Variants in NTM observed in about 807,000 individuals in gnomAD.
NTM encodes the protein neurotrimin, also known as IgLON family member 2.
Under a neutral mutation model 42.1 loss-of-function variants are expected in NTM, and 13 were observed. The observed-to-expected ratio is 0.31, with a 90% confidence interval of 0.20 to 0.49. NTM has a LOEUF of 0.49. Ranked by LOEUF, NTM falls within the 20% of genes least tolerant of loss-of-function variation. The probability of loss-of-function intolerance (pLI) is 0.99; values close to 1 mark genes in which losing one functional copy is unlikely to be tolerated. For synonymous variants in NTM, 187 were observed against 179.2 expected, an observed-to-expected ratio of 1.04 and a Z score of -0.35; for missense variants, 373 against 452.8, an observed-to-expected ratio of 0.82 and a Z score of 1.60.
chr11:131,807,473 G>A (rs971483700), intron 1 of NTM, among the ~76,000 whole-genome samples: 1 of 152,220 alleles, frequency 6.6e-6, no homozygotes, highest in African/African-American at 2.4e-5. Context: ...AATTAGCAGT[G>A]TGGGCTCTGG....
Position 132,085,669 on chromosome 11 carries a change from A to G in NTM, c.168-60613A>G, listed in dbSNP as rs1053017460. ...TAAGCACTTATTTTTCTTTAGACCA[A>G]TTAATTAGAGCTCTTTTTTATAGAT... On this transcript the variant is annotated intron_variant, in intron 2 of 8. Transcript: ENST00000683400. 4.6e-5 allele frequency among the ~76,000 whole-genome samples: 7 copies of G among 152,170 alleles called. No individual in the cohort carries two copies. The South Asian group carries it at 1.2e-3, about 27-fold the overall frequency.
At chr11:131,703,213 G>A (rs920749930) in intron 1 of NTM, among the ~76,000 whole-genome samples, 1 of 152,132 alleles carries the variant, frequency 6.6e-6, no homozygotes, top group African/African-American at 2.4e-5. Flanking sequence ...CCAAAAGACA[G>A]TATGTAAAAT....
rs560905831 is a variant in NTM, at chr11:132,151,309, G to A, written c.400+4795G>A. 9.2e-5 allele frequency among the ~76,000 whole-genome samples: 14 copies of A among 152,276 alleles called. 1 individual carries two copies. In the Middle Eastern group the frequency reaches 0.014, roughly 148 times the overall value. On this transcript the variant is annotated intron_variant, in intron 3 of 8. Coordinates refer to ENST00000683400, the MANE Select transcript of NTM (RefSeq NM_001352005.2). ...GACAGCTTGAGAAGACGTCTAAAAG[G>A]CCCCGTCTGTGTTTCTAAGAACCCA...
At chr11:132,039,025 C>T (rs1313302288) in intron 2 of NTM, among the ~76,000 whole-genome samples, 1 of 152,192 alleles carries the variant, frequency 6.6e-6, no homozygotes, top group Non-Finnish European at 1.5e-5. Context: ...GTGAGGGCAC[C>T]AGTCGGGTAC....
chr11:131,517,344 A>G (rs756415745), intron 1 of NTM, among the ~76,000 whole-genome samples: 5 of 152,226 alleles, frequency 3.3e-5, no homozygotes, highest in African/African-American at 4.8e-5. Flanking sequence ...ACAGACTCAG[A>G]AACTCCCTTT....
At chr11:131,606,629 A>G (rs2060982950) in intron 1 of NTM, among the ~76,000 whole-genome samples, 1 of 152,216 alleles carries the variant, frequency 6.6e-6, no homozygotes, top group Non-Finnish European at 1.5e-5. Flanking sequence ...GAACTTGGGA[A>G]CTAACTGCAA....
At chr11:131,814,763 C>T (rs2092879891) in intron 1 of NTM, among the ~76,000 whole-genome samples, 1 of 152,204 alleles carries the variant, frequency 6.6e-6, no homozygotes, top group Admixed American at 6.5e-5. Flanking sequence ...GCCTAATCCA[C>T]CACCTCTGCA....
chr11:132,237,806 G>A (rs1482797159), intron 4 of NTM, among the ~76,000 whole-genome samples: 2 of 152,156 alleles, frequency 1.3e-5, no homozygotes, highest in Admixed American at 6.5e-5. Context: ...CATCCTCCCC[G>A]CTCAGCCAGT....
intron 1 of NTM, among the ~76,000 whole-genome samples, chr11:131,530,609 C>T (rs952269393): frequency 2.7e-4 from 41 of 152,272 alleles, no homozygotes; most frequent in African/African-American, 8.9e-4. Context: ...ACTCCAACTA[C>T]ATGCCAAGGC....
At position 131,850,268 on chromosome 11, in the gene NTM, G is replaced by T. The variant is rs558340619; in HGVS notation, c.83-61296G>T. Among the ~76,000 whole-genome samples the T allele has an allele frequency of 4.6e-5, 7 of 152,224 alleles. No individual in the cohort carries two copies. In the East Asian group the frequency reaches 1.4e-3, roughly 29 times the overall value. ...TAACAAACGAGGATATTCACTTAGG[G>T]CATTCATTAGGTTAAATTTGCATAC... On this transcript the variant is annotated intron_variant, in intron 1 of 8. Transcript: ENST00000683400.
chr11:131,559,742 C>A (rs1032291499), intron 1 of NTM, among the ~76,000 whole-genome samples: 5 of 152,218 alleles, frequency 3.3e-5, no homozygotes, highest in Non-Finnish European at 7.3e-5. Flanking sequence ...TTGACTCTAG[C>A]TCCAAAGTGG....
chr11:131,790,560 A>G (rs1257472451), intron 1 of NTM, among the ~76,000 whole-genome samples: 2 of 152,180 alleles, frequency 1.3e-5, no homozygotes, highest in South Asian at 2.1e-4. Context: ...AGCCCCTTCT[A>G]GGCTTCCTGG....
intron 1 of NTM, among the ~76,000 whole-genome samples, chr11:131,716,768 C>T (rs1308001924): frequency 6.6e-6 from 1 of 152,070 alleles, no homozygotes; most frequent in African/African-American, 2.4e-5. Flanking sequence ...CATTTCTGAA[C>T]TCTGTTTTAT....
At chr11:132,331,255 A>G (rs1378363124) in intron 8 of NTM, among the ~76,000 whole-genome samples, 2 of 152,182 alleles carry the variant, frequency 1.3e-5, no homozygotes, top group African/African-American at 4.8e-5. Flanking sequence ...GGAGATAATA[A>G]TTCTCATCTC....
chr11:131,860,843 C>T (rs1373276603), intron 1 of NTM, among the ~76,000 whole-genome samples: 1 of 152,184 alleles, frequency 6.6e-6, no homozygotes, highest in Non-Finnish European at 1.5e-5. Context: ...ACGTTTATCT[C>T]CCTGTCTCTT....
intron 1 of NTM, among the ~76,000 whole-genome samples, chr11:131,416,183 T>C (rs1946924187): frequency 6.7e-6 from 1 of 150,336 alleles, no homozygotes; most frequent in Non-Finnish European, 1.5e-5. Flanking sequence ...AGGAAGTTTC[T>C]TCTTTTCATG....
At chr11:131,976,614 A>C (rs1024626231) in intron 2 of NTM, among the ~76,000 whole-genome samples, 2 of 152,194 alleles carry the variant, frequency 1.3e-5, no homozygotes, top group Admixed American at 6.5e-5. Flanking sequence ...ACCCCAGTTC[A>C]GTCATAACTG....
chr11:131,569,890 G>C (rs888325131), intron 1 of NTM, among the ~76,000 whole-genome samples: 3 of 152,150 alleles, frequency 2.0e-5, no homozygotes, highest in African/African-American at 7.2e-5. Flanking sequence ...CTGTATCTCT[G>C]TTTTCTAGGC....
At chr11:132,006,912 T>C (rs956633432) in intron 2 of NTM, among the ~76,000 whole-genome samples, 3 of 152,216 alleles carry the variant, frequency 2.0e-5, no homozygotes, top group Admixed American at 2.0e-4. Flanking sequence ...GAGAAGAACA[T>C]TGACTAGTGC....
Sources: gnomAD v4.1 joint callset for allele counts (sites outside exome capture counted in the v4.1 genomes callset) on GRCh38, gnomAD v4.1.1 for gene constraint, MANE v1.5 for transcripts, NCBI Gene and HGNC (gene_info 2026-07-23, HGNC 2026-07-21) for gene names.